Variants in RHOT2 observed in about 807,000 individuals in gnomAD.
The protein encoded by RHOT2 is mitochondrial Rho GTPase 2.
In RHOT2, 90 loss-of-function variants were observed where a neutral mutation model predicts 81.6. The ratio of observed to expected loss-of-function variants is 1.10; its 90% CI spans 0.93 to 1.31. RHOT2 has a LOEUF of 1.31. Among genes scored for constraint, RHOT2 ranks in the 40% most tolerant of loss-of-function variants. The probability of loss-of-function intolerance (pLI) is 0.00; values close to 1 mark genes in which losing one functional copy is unlikely to be tolerated. For synonymous variants in RHOT2, 512 were observed against 370.9 expected, an observed-to-expected ratio of 1.38 and a Z score of -4.37; for missense variants, 1,014 against 841.9, an observed-to-expected ratio of 1.20 and a Z score of -2.53.
chr16:673,088 GCAC>G lies in RHOT2; in HGVS notation c.1694_1696del (p.Thr565del), dbSNP rs3833933. The G allele has an allele frequency of 6.0e-4, 967 of 1,611,726 alleles. 18 individuals carry two copies. The South Asian group carries it at 8.5e-3, about 14-fold the overall frequency. On this transcript the variant is annotated inframe_deletion, in exon 18 of 19. Transcript: ENST00000315082. ...TCCTGTGCTGGCCCAGCCGAGCCCA[GCAC>G]CACCATCTTCACCCAGCTCGCCACC...
rs1422709528 is a variant in RHOT2 at position 673,777 on chromosome 16, T to C, written c.*171T>C. 6.0e-6 allele frequency: 5 copies of C among 826,558 alleles called. No homozygotes were observed. The highest frequency in any genetic ancestry group is 9.2e-6 in the Non-Finnish European group (5 of 542,834). 51.2% of individuals were successfully genotyped at this position (826,558 alleles called of 1,614,324 possible). A position where few individuals can be genotyped will look rare whatever the true frequency, so the allele number is the denominator to read the frequency against. ...TCTGCAGCGGGGCCTTATGCTGCCA[T>C]GCACTGCCCTGGCTCCTGCCGGACC... On this transcript the variant is annotated 3_prime_UTR_variant, in exon 19 of 19. Coordinates refer to ENST00000315082, the MANE Select transcript of RHOT2 (RefSeq NM_138769.3).
Position 668,966 on chromosome 16 carries a change from T to A in RHOT2, c.222+267T>A. On this transcript the variant is annotated intron_variant, in intron 4 of 18. Coordinates refer to ENST00000315082, the MANE Select transcript of RHOT2 (RefSeq NM_138769.3). The stretch of plus-strand genomic sequence containing the variant: ...GGGTGGCAGCAGCGTTTGCTCTTCC[T>A]GTGGGCTCTGTGTGCGCCACGTCCC... 5.7e-6 allele frequency: 3 copies of A among 525,454 alleles called. No homozygotes were observed. In the East Asian group the frequency reaches 1.0e-4, roughly 18 times the overall value. The allele number at this position is 525,454 out of a possible 1,614,324, so 32.5% of individuals were successfully genotyped here.
intron 8 of RHOT2, 37 bp from the exon 9 acceptor site, chr16:670,638 T>C (rs762180001): frequency 5.6e-6 from 9 of 1,607,236 alleles, no homozygotes; most frequent in Non-Finnish European, 6.8e-6. Context: ...CAGGTCGGCG[T>C]GGGTCACCTG....
At position 673,871 on chromosome 16, in the gene RHOT2, C is replaced by T. The variant is rs911308133; in HGVS notation, c.*265C>T. ...TGCCGGCCACCGCTGTCAGGGATTG[C>T]CCACCCCTGGGCATCATGTGTGTGG... On this transcript the variant is annotated 3_prime_UTR_variant, in exon 19 of 19. Transcript: ENST00000315082. The T allele has an allele frequency of 5.0e-6, 3 of 605,912 alleles. No individual in the cohort carries two copies. Among genetic ancestry groups the T allele is most frequent in the Non-Finnish European group, 9.1e-6 (3 of 331,046 alleles). 37.5% of individuals were successfully genotyped at this position (605,912 alleles called of 1,614,324 possible). A position where few individuals can be genotyped will look rare whatever the true frequency, so the allele number is the denominator to read the frequency against.
chr16:671,565 G>C (rs961181720), intron 11 of RHOT2, 132 bp from the exon 12 acceptor site: 2 of 994,490 alleles, frequency 2.0e-6, no homozygotes, highest in Non-Finnish European at 3.0e-6. Context: ...TGCAAGGTCG[G>C]GGGCGTACAG....
At position 672,198 on chromosome 16, in the gene RHOT2, C is replaced by T. The variant is rs373717229; in HGVS notation, c.1195+17C>T. On this transcript the variant is annotated intron_variant, in intron 14 of 18. Coordinates refer to ENST00000315082, the MANE Select transcript of RHOT2 (RefSeq NM_138769.3). ...CCATCACAGGTAGGCACCCACCCTCCCTGGGCCTGGGCCCAGTATCCTGGC... is the reference window on the plus strand; with the variant it reads ...CCATCACAGGTAGGCACCCACCCTCTCTGGGCCTGGGCCCAGTATCCTGGC... 4 of 1,612,454 alleles carry T rather than the reference C, an allele frequency of 2.5e-6. No individual in the cohort carries two copies. Among genetic ancestry groups the T allele is most frequent in the African/African-American group, 2.7e-5 (2 of 74,954 alleles).
Position 668,253 on chromosome 16 carries a change from G to T in RHOT2, c.37+17G>T. 1 of 800,832 alleles carries T rather than the reference G, an allele frequency of 1.2e-6. No individual in the cohort carries two copies. Among genetic ancestry groups the T allele is most frequent in the South Asian group, 3.0e-5 (1 of 33,648 alleles). 49.6% of individuals were successfully genotyped at this position (800,832 alleles called of 1,614,324 possible). ...TGGGCGAGGGTAGGCGCCGGCCCGGGGGTCTCGGAGCTGCGGCGGCCGTGA... is the reference window on the plus strand; with the variant it reads ...TGGGCGAGGGTAGGCGCCGGCCCGGTGGTCTCGGAGCTGCGGCGGCCGTGA... On this transcript the variant is annotated intron_variant, in intron 1 of 18. Transcript: ENST00000315082.
In RHOT2 at chr16:668,146, G is replaced by C; in HGVS notation, c.-54G>C. 1 of 433,160 alleles carries C rather than the reference G, an allele frequency of 2.3e-6. No individual in the cohort carries two copies. Among genetic ancestry groups the C allele is most frequent in the Non-Finnish European group, 4.0e-6 (1 of 247,458 alleles). The allele number at this position is 433,160 out of a possible 1,614,324, so 26.8% of individuals were successfully genotyped here. A position where few individuals can be genotyped will look rare whatever the true frequency, so the allele number is the denominator to read the frequency against. ...GGCGCGGGGGCAGAGCGAAAGGCTT[G>C]AGGACCAGGTCGGGGCCGGGTTCCG... On this transcript the variant is annotated 5_prime_UTR_variant, in exon 1 of 19. Transcript: ENST00000315082.
Position 671,105 on chromosome 16 carries a change from C to T in RHOT2, c.771C>T (p.Leu257=), listed in dbSNP as rs150517976. 5.0e-6 allele frequency: 8 copies of T among 1,609,012 alleles called. No individual in the cohort carries two copies. The highest frequency in any genetic ancestry group is 5.9e-6 in the Non-Finnish European group (7 of 1,179,688). ...CAGGTTTCCTCTTCCTGAACACGCT[C>T]TTCATCCAGCGCGGCCGGCACGAGA... The part of the protein sequence containing the change: ...TLDGFLFLNT[L]FIQRGRHETT... The change falls in exon 11 of 19, where the codon CTC becomes CTT. Residue 257 remains leucine, a synonymous_variant. Coordinates refer to ENST00000315082, the MANE Select transcript of RHOT2 (RefSeq NM_138769.3).
chr16:669,012 A>C, intron 4 of RHOT2: 1 of 466,460 alleles, frequency 2.1e-6, no homozygotes, highest in Non-Finnish European at 3.8e-6. Flanking sequence ...GCTCCAGCCC[A>C]CCGTCCCGGC....
chr16:669,328 G>A, intron 4 of RHOT2: 1 of 523,232 alleles, frequency 1.9e-6, no homozygotes, highest in Non-Finnish European at 3.3e-6. Context: ...CTTCTCTGAG[G>A]GTTCAGCAGC....
rs1188970280 is a variant in RHOT2, at chr16:673,935, C to T, written c.*329C>T. ...AGGTGTGGGAGCTGGTGACCCCAGA[C>T]CCAGAATTCTCAGGGCTCTACCCCC... On this transcript the variant is annotated 3_prime_UTR_variant, in exon 19 of 19. Transcript: ENST00000315082. 1.8e-6 allele frequency: 1 copy of T among 543,714 alleles called. No homozygotes were observed. The highest frequency in any genetic ancestry group is 3.5e-6 in the Non-Finnish European group (1 of 284,302). The allele number at this position is 543,714 out of a possible 1,614,324, so 33.7% of individuals were successfully genotyped here.
At position 671,082 on chromosome 16, in the gene RHOT2, G is replaced by T; in HGVS notation, c.749-1G>T. ...GCTCCCCCTGCTTTGTCTCGGTGCA[G>T]GTTTCCTCTTCCTGAACACGCTCTT... On this transcript the variant is annotated splice_acceptor_variant, in intron 10 of 18. Transcript: ENST00000315082. LOFTEE classifies it high-confidence loss of function. 1 of 1,609,164 alleles carries T rather than the reference G, an allele frequency of 6.2e-7. No individual in the cohort carries two copies.
rs1301954726 is a variant in RHOT2 at position 668,714 on chromosome 16, C to T, written c.222+15C>T. 6.3e-7 allele frequency: 1 copy of T among 1,587,174 alleles called. No individual in the cohort carries two copies. Among genetic ancestry groups the T allele is most frequent in the South Asian group, 1.1e-5 (1 of 87,666 alleles). ...AGATCCACAAGGTACCCGTGGTGCG[C>T]GGGACGAGGGAGGGGCTGGGCGCGG... On this transcript the variant is annotated intron_variant, in intron 4 of 18. Transcript: ENST00000315082.
chr16:670,088 G>C (rs753270558), intron 5 of RHOT2, 35 bp from the exon 6 acceptor site: 5 of 1,531,076 alleles, frequency 3.3e-6, no homozygotes, highest in Non-Finnish European at 3.5e-6. Flanking sequence ...GTGCCCGCGG[G>C]CAGCCTCACT....
At chr16:668,308 G>T in intron 1 of RHOT2, 45 bp from the exon 2 acceptor site, 1 of 1,245,420 alleles carries the variant, frequency 8.0e-7, no homozygotes, top group Non-Finnish European at 1.0e-6. Flanking sequence ...GGGTCGGGGG[G>T]CGCCGTGACC....
intron 5 of RHOT2, 106 bp from the exon 6 acceptor site, chr16:670,017 G>T: frequency 9.3e-7 from 1 of 1,069,974 alleles, no homozygotes. Flanking sequence ...GGCCCTCAGT[G>T]GGCCTTGACC....
rs1043171522 is a variant in RHOT2, at chr16:668,208, G to A, written c.9G>A (p.Arg3=). Residue 3 remains arginine, a synonymous_variant, in exon 1 of 19, where the codon CGG becomes CGA. Coordinates refer to ENST00000315082, the MANE Select transcript of RHOT2 (RefSeq NM_138769.3). ...GGCTCCGGGCGGCAGCTATGAGGCG[G>A]GACGTGCGCATCCTGTTACTGGGCG... MR[R]DVRILLLGEA... The A allele has an allele frequency of 1.9e-6, 1 of 522,564 alleles. No individual in the cohort carries two copies. The highest frequency in any genetic ancestry group is 3.2e-6 in the Non-Finnish European group (1 of 312,688). 32.4% of individuals were successfully genotyped at this position (522,564 alleles called of 1,614,324 possible).
intron 15 of RHOT2, 41 bp downstream of exon 15, chr16:672,425 G>A: frequency 6.2e-7 from 1 of 1,607,872 alleles, no homozygotes; most frequent in South Asian, 1.1e-5. Flanking sequence ...GGGGCTCCAG[G>A]GGCAGGGCAG....
Sources: gnomAD v4.1 joint callset for allele counts on GRCh38, gnomAD v4.1.1 for gene constraint, MANE v1.5 for transcripts, NCBI Gene and HGNC (gene_info 2026-07-23, HGNC 2026-07-21) for gene names.